The following PCCA variants were observed in gnomAD, a reference collection of about 807,000 sequenced individuals.
PCCA encodes propionyl-CoA carboxylase alpha chain, mitochondrial.
A neutral mutation model predicts 101.3 loss-of-function variants in PCCA; 74 were observed. The observed-to-expected ratio is 0.73, with a 90% CI of 0.61 to 0.89. The LOEUF (loss-of-function observed/expected upper bound fraction) is 0.89. Among genes scored for constraint, PCCA ranks in the 40% least tolerant of loss-of-function variants. PCCA has a pLI of 0.00. For missense variants in PCCA, 891 were observed against 907.0 expected (o/e 0.98, Z 0.23); for synonymous variants, 294 against 313.6 (o/e 0.94, Z 0.66).
rs1340812597 is a variant in PCCA at position 100,289,221 on chromosome 13, A to T, written c.1066-12239A>T. On this transcript the variant is annotated intron_variant, in intron 12 of 23. Coordinates refer to ENST00000376285, the MANE Select transcript of PCCA (RefSeq NM_000282.4). ...TTAATCTGAAATCCTACTTTGACTC[A>T]TGTCATACTGTATCTCCTCCTGTTT... Among the ~76,000 whole-genome samples the T allele has an allele frequency of 3.9e-5, 6 of 152,300 alleles. No individual in the cohort carries two copies. In the East Asian group the frequency reaches 1.2e-3, roughly 29 times the overall value.
At chr13:100,230,480 G>C (rs1020354648) in intron 7 of PCCA, among the ~76,000 whole-genome samples, 1 of 151,574 alleles carries the variant, frequency 6.6e-6, no homozygotes, top group Non-Finnish European at 1.5e-5. Flanking sequence ...AGGAGGCAAA[G>C]GTTGCAGTGA....
chr13:100,234,846 A>G (rs532465494), intron 7 of PCCA, among the ~76,000 whole-genome samples: 1 of 152,018 alleles, frequency 6.6e-6, no homozygotes, highest in Non-Finnish European at 1.5e-5. Context: ...TCAAAACAAT[A>G]TTGTCAGTCT....
At chr13:100,161,791 C>T (rs372591484) in intron 6 of PCCA, among the ~76,000 whole-genome samples, 7 of 152,002 alleles carry the variant, frequency 4.6e-5, no homozygotes, top group African/African-American at 1.7e-4. Context: ...TTTTATATAT[C>T]GCAGCTTAAG....
At chr13:100,203,637 G>A (rs1024650304) in intron 6 of PCCA, among the ~76,000 whole-genome samples, 10 of 152,170 alleles carry the variant, frequency 6.6e-5, no homozygotes, top group Admixed American at 6.5e-4. Context: ...AGATTGCAAT[G>A]AGCCAGGATT....
At chr13:100,344,214 A>C (rs1035299430) in intron 18 of PCCA, among the ~76,000 whole-genome samples, 2 of 152,274 alleles carry the variant, frequency 1.3e-5, no homozygotes, top group Non-Finnish European at 2.9e-5. Context: ...ATGATGGAAG[A>C]TACATGTAAA....
chr13:100,511,511 C>A (rs2086475887), intron 21 of PCCA, among the ~76,000 whole-genome samples: 1 of 152,200 alleles, frequency 6.6e-6, no homozygotes, highest in Admixed American at 6.5e-5. Flanking sequence ...ATAGCTGATG[C>A]ACAGTGATTT....
chr13:100,336,860 A>G (rs1276895253), intron 17 of PCCA, among the ~76,000 whole-genome samples: 7 of 152,310 alleles, frequency 4.6e-5, no homozygotes, highest in Middle Eastern at 3.4e-3. Flanking sequence ...TTAGAACTCC[A>G]TCTAGACCTG....
chr13:100,302,928 C>G lies in PCCA; in HGVS notation c.1214C>G (p.Pro405Arg), dbSNP rs200874114. Residue 405 changes from proline to arginine, a missense_variant, in exon 14 of 24, where the codon CCC becomes CGC. Pro to Arg is a moderately radical substitution (Grantham distance 103). Transcript: ENST00000376285. ...TCCTTTCCTTTGAACTTTCAGGACC[C>G]CTACAAGTCTTTTGGTTTACCATCT... ...AVECRVYAED[P>R]YKSFGLPSIG... 11 of 1,587,012 alleles carry G rather than the reference C, an allele frequency of 6.9e-6. No individual in the cohort carries two copies. The highest frequency in any genetic ancestry group is 9.5e-6 in the Non-Finnish European group (11 of 1,155,478).
intron 4 of PCCA, among the ~76,000 whole-genome samples, chr13:100,139,675 C>T (rs1289445202): frequency 6.6e-6 from 1 of 152,074 alleles, no homozygotes; most frequent in East Asian, 1.9e-4. Flanking sequence ...TTAATAATAA[C>T]TTCCTTAAAA....
At chr13:100,448,003 C>T (rs553852152) in intron 20 of PCCA, among the ~76,000 whole-genome samples, 2 of 152,248 alleles carry the variant, frequency 1.3e-5, no homozygotes, top group East Asian at 1.9e-4. Flanking sequence ...TCGTAATGCT[C>T]ATGGCATGTA....
chr13:100,292,965 T>TGTG, intron 12 of PCCA, among the ~76,000 whole-genome samples: 1 of 53,328 alleles, frequency 1.9e-5, no homozygotes, highest in South Asian at 4.9e-4. Flanking sequence ...GTGTGTCTGT[T>TGTG]TGTGTGTGTG....
intron 2 of PCCA, among the ~76,000 whole-genome samples, chr13:100,103,315 C>CT (rs199517193): frequency 0.054 from 7,822 of 144,244 alleles, 683 homozygotes; most frequent in African/African-American, 0.19. Context: ...TTACTTAATA[C>CT]TTTTTTTTTT....
intron 1 of PCCA, among the ~76,000 whole-genome samples, chr13:100,090,731 A>G (rs2046205835): frequency 6.6e-6 from 1 of 152,232 alleles, no homozygotes; most frequent in Non-Finnish European, 1.5e-5. Context: ...TGTTCTAGAT[A>G]CTGTTCTGTT....
At chr13:100,262,250 G>A (rs1012095756) in intron 9 of PCCA, among the ~76,000 whole-genome samples, 11 of 152,110 alleles carry the variant, frequency 7.2e-5, no homozygotes, top group East Asian at 1.9e-4. Flanking sequence ...AAAATTAGCC[G>A]GGCGTGGTGG....
rs564462655 is a variant in PCCA, at chr13:100,449,961, A to C, written c.1899+656A>C. On this transcript the variant is annotated intron_variant, in intron 21 of 23. Coordinates refer to ENST00000376285, the MANE Select transcript of PCCA (RefSeq NM_000282.4). ...AGAACACAACTTTGCATTGTCACCT[A>C]GTGTGAGTTGTAATTTTCAAGATTA... 5.9e-5 allele frequency among the ~76,000 whole-genome samples: 9 copies of C among 152,354 alleles called. No individual in the cohort carries two copies. The South Asian group carries it at 1.9e-3, about 32-fold the overall frequency.
chr13:100,441,968 ATCTTT>A (rs1223657087), intron 20 of PCCA, among the ~76,000 whole-genome samples: 1 of 148,982 alleles, frequency 6.7e-6, no homozygotes, highest in Non-Finnish European at 1.5e-5. Flanking sequence ...CTTTACATCA[ATCTTT>A]TCTTTTTCCT....
rs570062599 is a variant in PCCA, at chr13:100,360,004, C to T, written c.1644-8468C>T. On this transcript the variant is annotated intron_variant, in intron 18 of 23. Coordinates refer to ENST00000376285, the MANE Select transcript of PCCA (RefSeq NM_000282.4). The stretch of plus-strand genomic sequence containing the variant: ...GGACTTGTATTAGTCCATTTTCACC[C>T]TGCTGATAAAGACATACCTGAGACT... Among the ~76,000 whole-genome samples, 330 of 152,272 alleles carry T rather than the reference C, an allele frequency of 2.2e-3. 3 individuals carry two copies. The highest frequency in any genetic ancestry group is 6.5e-3 in the African/African-American group (268 of 41,536).
intron 12 of PCCA, among the ~76,000 whole-genome samples, chr13:100,284,273 T>C (rs1015721911): frequency 2.0e-5 from 3 of 152,220 alleles, no homozygotes; most frequent in Non-Finnish European, 2.9e-5. Flanking sequence ...GGGAGGGATA[T>C]ATTAGCCAAG....
intron 22 of PCCA, among the ~76,000 whole-genome samples, chr13:100,522,023 C>G (rs1344123396): frequency 6.6e-6 from 1 of 152,202 alleles, no homozygotes; most frequent in Non-Finnish European, 1.5e-5. Context: ...TTCAGCTGCA[C>G]GCAGTGATTT....
Sources: gnomAD v4.1 joint callset for allele counts (sites outside exome capture counted in the v4.1 genomes callset) on GRCh38, gnomAD v4.1.1 for gene constraint, MANE v1.5 for transcripts, NCBI Gene and HGNC (gene_info 2026-07-23, HGNC 2026-07-21) for gene names.